HSPB9: variants seen among roughly 807,000 people sequenced by gnomAD.
The protein encoded by HSPB9 is heat shock protein beta-9.
For missense variants in HSPB9, 203 were observed against 213.4 expected, an observed-to-expected ratio of 0.95 and a Z score of 0.30; for synonymous variants, 98 against 92.7, an observed-to-expected ratio of 1.06 and a Z score of -0.33.
In HSPB9 at chr17:42,122,964, G is replaced by A. The variant is rs781931201; in HGVS notation, c.114G>A (p.Arg38=). ...RVATMPVRLL[R]DSPAAQEDND... ...CCACAATGCCGGTGCGGCTGCTCAG[G>A]GACAGTCCAGCGGCTCAGGAGGACA... The change falls in exon 1 of 1, where the codon AGG becomes AGA. Residue 38 remains arginine, a synonymous_variant. Transcript: ENST00000565659. 3.1e-6 allele frequency: 5 copies of A among 1,614,092 alleles called. No homozygotes were observed. Among genetic ancestry groups the A allele is most frequent in the Non-Finnish European group, 3.4e-6 (4 of 1,180,042 alleles).
rs1568015116 is a variant in HSPB9, at chr17:42,122,816, TCG to T, written c.-31_-30del. The stretch of plus-strand genomic sequence containing the variant: ...TGCGCCTAGCTCTGCGCTGGGAGCC[TCG>T]CGCCCTTTGACAGCAGTTAGTTGCT... On this transcript the variant is annotated 5_prime_UTR_variant, in exon 1 of 1. Transcript: ENST00000565659. 3 of 1,582,508 alleles carry T rather than the reference TCG, an allele frequency of 1.9e-6. No individual in the cohort carries two copies. Among genetic ancestry groups the T allele is most frequent in the Admixed American group, 3.4e-5 (2 of 58,712 alleles).
Position 42,123,175 on chromosome 17 carries a change from A to T in HSPB9, c.325A>T (p.Asn109Tyr). The stretch of plus-strand genomic sequence containing the variant: ...GGTGCACCGGAAAATGCTCCCGTCC[A>T]ACCTGAGTCCTACCGCCATGACCTG... ...QKVHRKMLPS[N>Y]LSPTAMTCCL... Residue 109 changes from asparagine to tyrosine, a missense_variant, in exon 1 of 1, where the codon AAC becomes TAC. Transcript: ENST00000565659. 1 of 1,614,158 alleles carries T rather than the reference A, an allele frequency of 6.2e-7. No homozygotes were observed. Among genetic ancestry groups the T allele is most frequent in the Non-Finnish European group, 8.5e-7 (1 of 1,180,038 alleles).
rs1555668056 is a variant in HSPB9 at position 42,123,326 on chromosome 17, G to A, written c.476G>A (p.Arg159Gln). Reference protein sequence around the residue: ...SLGSKASNLTR With the variant: ...SLGSKASNLTQ Reference sequence around the variant, plus strand: ...GGCTCTAAGGCTTCCAACCTGACCCGGTAAACAAACGACGCGATGTGCAGC... The same window carrying A: ...GGCTCTAAGGCTTCCAACCTGACCCAGTAAACAAACGACGCGATGTGCAGC... The change falls in exon 1 of 1, where the codon CGG (arginine) becomes CAG (glutamine). Residue 159 changes from arginine (R) to glutamine (Q), a missense_variant. Arg to Gln is a conservative substitution (Grantham distance 43, BLOSUM62 1). Transcript: ENST00000565659. 6 of 1,600,770 alleles carry A rather than the reference G, an allele frequency of 3.7e-6. No individual in the cohort carries two copies. Among genetic ancestry groups the A allele is most frequent in the Admixed American group, 3.3e-5 (2 of 59,852 alleles).
chr17:42,123,307 A>C lies in HSPB9; in HGVS notation c.457A>C (p.Lys153Gln), dbSNP rs2054380038. 6.2e-7 allele frequency: 1 copy of C among 1,608,030 alleles called. No homozygotes were observed. The highest frequency in any genetic ancestry group is 1.3e-5 in the African/African-American group (1 of 74,870). The part of the protein sequence containing the change: ...PSPRLGSLGS[K>Q]ASNLTR ...CCCGAGACTCGGGAGCCTCGGCTCT[A>C]AGGCTTCCAACCTGACCCGGTAAAC... Residue 153 changes from lysine to glutamine, a missense_variant, in exon 1 of 1, where the codon AAG becomes CAG. Lys to Gln is a moderately conservative substitution (Grantham distance 53). Transcript: ENST00000565659.
Position 42,122,888 on chromosome 17 carries a change from G to A in HSPB9, c.38G>A (p.Arg13Gln), listed in dbSNP as rs2054370832. The A allele has an allele frequency of 6.2e-7, 1 of 1,612,858 alleles. No homozygotes were observed. The highest frequency in any genetic ancestry group is 8.5e-7 in the Non-Finnish European group (1 of 1,179,268). ...GGTAACACCTTCTCCAACGAGAGCC[G>A]GGTGGCATCCCGGTGTCCCAGCGTG... ...RVGNTFSNES[R>Q]VASRCPSVGL... Residue 13 changes from arginine to glutamine, a missense_variant, in exon 1 of 1, where the codon CGG becomes CAG. Physicochemically the swap from Arg to Gln is conservative, Grantham distance 43. Transcript: ENST00000565659.
Position 42,123,097 on chromosome 17 carries a change from C to A in HSPB9, c.247C>A (p.Gln83Lys). ...CCAATGGCTGATGGTGACCGGACAG[C>A]AGCAACTGGACGTCAGGGACCCGGA... Reference protein sequence around the residue: ...DGQWLMVTGQQQLDVRDPERV... With the variant: ...DGQWLMVTGQKQLDVRDPERV... Residue 83 changes from glutamine to lysine, a missense_variant, in exon 1 of 1, where the codon CAG becomes AAG. By Grantham distance (53) the Gln-to-Lys change is moderately conservative. Transcript: ENST00000565659. 6.2e-7 allele frequency: 1 copy of A among 1,614,202 alleles called. No homozygotes were observed. The highest frequency in any genetic ancestry group is 1.1e-5 in the South Asian group (1 of 91,090).
chr17:42,122,831 G>C lies in HSPB9; in HGVS notation c.-20G>C. Reference sequence around the variant, plus strand: ...GCTGGGAGCCTCGCGCCCTTTGACAGCAGTTAGTTGCTGACTCGGATGCAG... The same window carrying C: ...GCTGGGAGCCTCGCGCCCTTTGACACCAGTTAGTTGCTGACTCGGATGCAG... On this transcript the variant is annotated 5_prime_UTR_variant, in exon 1 of 1. Coordinates refer to ENST00000565659, the MANE Select transcript of HSPB9 (RefSeq NM_033194.3). The C allele has an allele frequency of 1.3e-6, 2 of 1,596,264 alleles. No homozygotes were observed. Among genetic ancestry groups the C allele is most frequent in the Non-Finnish European group, 1.7e-6 (2 of 1,169,056 alleles).
chr17:42,122,934 G>C lies in HSPB9; in HGVS notation c.84G>C (p.Arg28=). The change falls in exon 1 of 1, where the codon CGG becomes CGC. Residue 28 remains arginine, a synonymous_variant. Coordinates refer to ENST00000565659, the MANE Select transcript of HSPB9 (RefSeq NM_033194.3). ...GCGTGGGCCTTGCTGAACGGAACCG[G>C]GTGGCCACAATGCCGGTGCGGCTGC... The part of the protein sequence containing the change: ...CPSVGLAERN[R]VATMPVRLLR... The C allele has an allele frequency of 1.2e-6, 2 of 1,614,084 alleles. No individual in the cohort carries two copies. The highest frequency in any genetic ancestry group is 1.7e-5 in the Admixed American group (1 of 60,034).
chr17:42,123,159 G>A lies in HSPB9; in HGVS notation c.309G>A (p.Arg103=), dbSNP rs1179868882. ...VSYRMSQKVH[R]KMLPSNLSPT... ...ACCGCATGTCACAGAAGGTGCACCG[G>A]AAAATGCTCCCGTCCAACCTGAGTC... The change falls in exon 1 of 1, where the codon CGG becomes CGA. Residue 103 remains arginine, a synonymous_variant. Coordinates refer to ENST00000565659, the MANE Select transcript of HSPB9 (RefSeq NM_033194.3). The A allele has an allele frequency of 8.7e-6, 14 of 1,614,038 alleles. No homozygotes were observed. Among genetic ancestry groups the A allele is most frequent in the Non-Finnish European group, 1.2e-5 (14 of 1,180,032 alleles).
In HSPB9 at chr17:42,123,031, C is replaced by T; in HGVS notation, c.181C>T (p.His61Tyr). ...CGGTTTCCAAATGAAGCTGGATGCC[C>T]ACGGCTTCGCCCCGGAGGAACTGGT... ...RDGFQMKLDA[H>Y]GFAPEELVVQ... Residue 61 changes from histidine (H) to tyrosine (Y), a missense_variant, in exon 1 of 1, where the codon CAC (histidine) becomes TAC (tyrosine). Coordinates refer to ENST00000565659, the MANE Select transcript of HSPB9 (RefSeq NM_033194.3). The T allele has an allele frequency of 6.2e-7, 1 of 1,614,194 alleles. No homozygotes were observed. The highest frequency in any genetic ancestry group is 8.5e-7 in the Non-Finnish European group (1 of 1,180,016).
chr17:42,122,825 T>G lies in HSPB9; in HGVS notation c.-26T>G. The G allele has an allele frequency of 7.5e-6, 12 of 1,593,162 alleles. No homozygotes were observed. The highest frequency in any genetic ancestry group is 1.0e-5 in the Non-Finnish European group (12 of 1,167,696). ...CTCTGCGCTGGGAGCCTCGCGCCCT[T>G]TGACAGCAGTTAGTTGCTGACTCGG... On this transcript the variant is annotated 5_prime_UTR_variant, in exon 1 of 1. Coordinates refer to ENST00000565659, the MANE Select transcript of HSPB9 (RefSeq NM_033194.3).
In HSPB9 at chr17:42,123,334, A is replaced by G. The variant is rs1231930498; in HGVS notation, c.*4A>G. The G allele has an allele frequency of 6.3e-7, 1 of 1,588,588 alleles. No individual in the cohort carries two copies. The highest frequency in any genetic ancestry group is 1.7e-5 in the Admixed American group (1 of 59,602). Reference sequence around the variant, plus strand: ...GGCTTCCAACCTGACCCGGTAAACAAACGACGCGATGTGCAGCAGCCTTGG... The same window carrying G: ...GGCTTCCAACCTGACCCGGTAAACAGACGACGCGATGTGCAGCAGCCTTGG... On this transcript the variant is annotated 3_prime_UTR_variant, in exon 1 of 1. Transcript: ENST00000565659.
At position 42,122,943 on chromosome 17, in the gene HSPB9, A is replaced by G. The variant is rs1555667864; in HGVS notation, c.93A>G (p.Thr31=). ...VGLAERNRVA[T]MPVRLLRDSP... is the part of the protein sequence containing the mutation. The stretch of plus-strand genomic sequence containing the variant: ...TTGCTGAACGGAACCGGGTGGCCAC[A>G]ATGCCGGTGCGGCTGCTCAGGGACA... Residue 31 remains threonine (T), a synonymous_variant, in exon 1 of 1, where the codon ACA becomes ACG. Coordinates refer to ENST00000565659, the MANE Select transcript of HSPB9 (RefSeq NM_033194.3). 1 of 1,614,132 alleles carries G rather than the reference A, an allele frequency of 6.2e-7. No individual in the cohort carries two copies.
In HSPB9 at chr17:42,122,863, G is replaced by C; in HGVS notation, c.13G>C (p.Gly5Arg). Residue 5 changes from glycine to arginine, a missense_variant, in exon 1 of 1, where the codon GGT becomes CGT. Physicochemically the swap from Gly to Arg is moderately radical, Grantham distance 125. Transcript: ENST00000565659. The part of the protein sequence containing the change: MQRV[G>R]NTFSNESRVA... ...GTTGCTGACTCGGATGCAGAGAGTC[G>C]GTAACACCTTCTCCAACGAGAGCCG... 1 of 1,609,798 alleles carries C rather than the reference G, an allele frequency of 6.2e-7. No homozygotes were observed. The highest frequency in any genetic ancestry group is 8.5e-7 in the Non-Finnish European group (1 of 1,177,200).
Position 42,123,344 on chromosome 17 carries a change from T to A in HSPB9, c.*14T>A, listed in dbSNP as rs377555576. 91 of 1,594,478 alleles carry A rather than the reference T, an allele frequency of 5.7e-5. No individual in the cohort carries two copies. The highest frequency in any genetic ancestry group is 7.5e-5 in the Non-Finnish European group (88 of 1,172,550). On this transcript the variant is annotated 3_prime_UTR_variant, in exon 1 of 1. Coordinates refer to ENST00000565659, the MANE Select transcript of HSPB9 (RefSeq NM_033194.3). ...CTGACCCGGTAAACAAACGACGCGATGTGCAGCAGCCTTGGTGTCCGTTGT... is the reference window on the plus strand; with the variant it reads ...CTGACCCGGTAAACAAACGACGCGAAGTGCAGCAGCCTTGGTGTCCGTTGT...
rs2144050176 is a variant in HSPB9 at position 42,123,133 on chromosome 17, T to G, written c.283T>G (p.Tyr95Asp). 1.9e-6 allele frequency: 3 copies of G among 1,614,144 alleles called. No individual in the cohort carries two copies. Among genetic ancestry groups the G allele is most frequent in the East Asian group, 2.2e-5 (1 of 44,874 alleles). The change falls in exon 1 of 1, where the codon TAC becomes GAC. Residue 95 changes from tyrosine (Y) to aspartate (D), a missense_variant. Tyr to Asp is a radical substitution (Grantham distance 160, BLOSUM62 -3). Transcript: ENST00000565659. ...CGTCAGGGACCCGGAAAGGGTCAGT[T>G]ACCGCATGTCACAGAAGGTGCACCG... ...LDVRDPERVS[Y>D]RMSQKVHRKM...
chr17:42,123,299 T>C lies in HSPB9; in HGVS notation c.449T>C (p.Leu150Pro). 6.2e-7 allele frequency: 1 copy of C among 1,609,522 alleles called. No individual in the cohort carries two copies. Among genetic ancestry groups the C allele is most frequent in the South Asian group, 1.1e-5 (1 of 91,060 alleles). ...QTGPSPRLGS[L>P]GSKASNLTR is the part of the protein sequence containing the mutation. ...GGACCGTCCCCGAGACTCGGGAGCCTCGGCTCTAAGGCTTCCAACCTGACC... is the reference window on the plus strand; with the variant it reads ...GGACCGTCCCCGAGACTCGGGAGCCCCGGCTCTAAGGCTTCCAACCTGACC... The change falls in exon 1 of 1, where the codon CTC becomes CCC. Residue 150 changes from leucine to proline, a missense_variant. Physicochemically the swap from Leu to Pro is moderately conservative, Grantham distance 98. Transcript: ENST00000565659.
In HSPB9 at chr17:42,123,349, A is replaced by G. The variant is rs201242382; in HGVS notation, c.*19A>G. 39 of 1,593,096 alleles carry G rather than the reference A, an allele frequency of 2.4e-5. No individual in the cohort carries two copies. Among genetic ancestry groups the G allele is most frequent in the Non-Finnish European group, 3.0e-5 (35 of 1,172,108 alleles). On this transcript the variant is annotated 3_prime_UTR_variant, in exon 1 of 1. Transcript: ENST00000565659. Reference sequence around the variant, plus strand: ...CCGGTAAACAAACGACGCGATGTGCAGCAGCCTTGGTGTCCGTTGTCTTTT... The same window carrying G: ...CCGGTAAACAAACGACGCGATGTGCGGCAGCCTTGGTGTCCGTTGTCTTTT...
Position 42,122,867 on chromosome 17 carries a change from A to G in HSPB9, c.17A>G (p.Asn6Ser). 6.2e-7 allele frequency: 1 copy of G among 1,611,016 alleles called. No individual in the cohort carries two copies. Among genetic ancestry groups the G allele is most frequent in the Non-Finnish European group, 8.5e-7 (1 of 1,178,034 alleles). ...CTGACTCGGATGCAGAGAGTCGGTAACACCTTCTCCAACGAGAGCCGGGTG... is the reference window on the plus strand; with the variant it reads ...CTGACTCGGATGCAGAGAGTCGGTAGCACCTTCTCCAACGAGAGCCGGGTG... Reference protein sequence around the residue: MQRVGNTFSNESRVAS... With the variant: MQRVGSTFSNESRVAS... Residue 6 changes from asparagine (N) to serine (S), a missense_variant, in exon 1 of 1, where the codon AAC (asparagine) becomes AGC (serine). Transcript: ENST00000565659.
Sources: gnomAD v4.1 joint callset for allele counts on GRCh38, gnomAD v4.1.1 for gene constraint, MANE v1.5 for transcripts, NCBI Gene and HGNC (gene_info 2026-07-23, HGNC 2026-07-21) for gene names.